The following OR2G2 variants were observed in gnomAD, a reference collection of about 807,000 sequenced individuals.
The protein encoded by OR2G2 is olfactory receptor family 2 subfamily G member 2, also known as olfactory receptor 2G2.
For missense variants in OR2G2, 460 were observed against 389.7 expected (o/e 1.18, Z -1.52); for synonymous variants, 176 against 152.4 (o/e 1.16, Z -1.14).
At position 247,588,400 on chromosome 1, in the gene OR2G2, G is replaced by GT; in HGVS notation, c.44dup (p.Ile16HisfsTer7). 2 of 1,613,366 alleles carry GT rather than the reference G, an allele frequency of 1.2e-6. No homozygotes were observed. Among genetic ancestry groups the GT allele is most frequent in the South Asian group, 2.2e-5 (2 of 90,990 alleles). On this transcript the variant is annotated frameshift_variant, in exon 1 of 1. Transcript: ENST00000320065. LOFTEE classifies it low-confidence loss of function (END_TRUNC). ...CATACCAATGAGAGCAACCTAGCAG[G>GT]TTTCATCCTTTTAGGGTTTTCTGAT...
chr1:247,588,407 C>A lies in OR2G2; in HGVS notation c.48C>A (p.Ile16=), dbSNP rs1669069735. The A allele has an allele frequency of 1.2e-6, 2 of 1,613,422 alleles. No individual in the cohort carries two copies. Among genetic ancestry groups the A allele is most frequent in the South Asian group, 1.1e-5 (1 of 90,982 alleles). Reference sequence around the variant, plus strand: ...ATGAGAGCAACCTAGCAGGTTTCATCCTTTTAGGGTTTTCTGATTATCCTC... The same window carrying A: ...ATGAGAGCAACCTAGCAGGTTTCATACTTTTAGGGTTTTCTGATTATCCTC... ...HTNESNLAGF[I]LLGFSDYPQL... Residue 16 remains isoleucine, a synonymous_variant, in exon 1 of 1, where the codon ATC becomes ATA. Coordinates refer to ENST00000320065, the MANE Select transcript of OR2G2 (RefSeq NM_001001915.1).
Position 247,588,475 on chromosome 1 carries a change from TACTA to T in OR2G2, c.121_124del (p.Thr41PhefsTer45), listed in dbSNP as rs1419960578. The T allele has an allele frequency of 7.4e-6, 12 of 1,613,832 alleles. No individual in the cohort carries two copies. In the African/African-American group the frequency reaches 9.3e-5, roughly 13 times the overall value. On this transcript the variant is annotated frameshift_variant, in exon 1 of 1. Transcript: ENST00000320065. LOFTEE classifies it low-confidence loss of function (END_TRUNC). ...TTTGTGCTCATATTGATTCTGTATT[TACTA>T]ACTATTTTGGGGAATACCACCATCA...
Position 247,588,645 on chromosome 1 carries a change from GC to G in OR2G2, c.288del (p.Tyr97MetfsTer24). The part of the protein sequence containing the change: ...VNLWEPMKTI[A>X]YGGCLVHLYN... ...CCTGTGGGAACCCATGAAAACTATCGCCTATGGTGGCTGTTTGGTTCACCTT... is the reference window on the plus strand; with the variant it reads ...CCTGTGGGAACCCATGAAAACTATCGCTATGGTGGCTGTTTGGTTCACCTT... On this transcript the variant is annotated frameshift_variant, in exon 1 of 1. Transcript: ENST00000320065. LOFTEE classifies it low-confidence loss of function (END_TRUNC). The G allele has an allele frequency of 6.2e-7, 1 of 1,614,034 alleles. No individual in the cohort carries two copies. The highest frequency in any genetic ancestry group is 1.3e-5 in the African/African-American group (1 of 75,012).
In OR2G2 at chr1:247,588,778, A is replaced by G. The variant is rs1669079301; in HGVS notation, c.419A>G (p.His140Arg). 1 of 1,614,024 alleles carries G rather than the reference A, an allele frequency of 6.2e-7. No homozygotes were observed. Among genetic ancestry groups the G allele is most frequent in the African/African-American group, 1.3e-5 (1 of 74,908 alleles). ...CCTCTCCATTACACTGTCTTAATGC[A>G]TATCCATCTCTGCATGGCCTTGGCA... ...CRPLHYTVLM[H>R]IHLCMALASM... Residue 140 changes from histidine to arginine, a missense_variant, in exon 1 of 1, where the codon CAT becomes CGT. Coordinates refer to ENST00000320065, the MANE Select transcript of OR2G2 (RefSeq NM_001001915.1).
rs200433328 is a variant in OR2G2, at chr1:247,588,580, G to A, written c.221G>A (p.Arg74His). The A allele has an allele frequency of 2.2e-5, 35 of 1,614,010 alleles. No homozygotes were observed. In the African/African-American group the frequency reaches 2.4e-4, roughly 11 times the overall value. ...CTTTCTCATCTCTCCTTCCTGTACCGCTGCTTCACCAGCAGTGTTATTCCC... is the reference window on the plus strand; with the variant it reads ...CTTTCTCATCTCTCCTTCCTGTACCACTGCTTCACCAGCAGTGTTATTCCC... ...FFLSHLSFLY[R>H]CFTSSVIPQL... is the part of the protein sequence containing the mutation. Residue 74 changes from arginine to histidine, a missense_variant, in exon 1 of 1, where the codon CGC (arginine) becomes CAC (histidine). Coordinates refer to ENST00000320065, the MANE Select transcript of OR2G2 (RefSeq NM_001001915.1).
Position 247,589,309 on chromosome 1 carries a change from T to A in OR2G2, c.950T>A (p.Leu317Ter). Residue 317 changes from leucine to a stop codon, truncating the protein, a stop_gained, in exon 1 of 1, where the codon TTA becomes TAA. Transcript: ENST00000320065. LOFTEE classifies it high-confidence loss of function. The part of the protein sequence containing the change: ...VLAKALGVNI[L>*] ...GCAAAGGCTCTGGGAGTAAATATTTTATGATTATTAAAAAAAAATTTAAGT... is the reference window on the plus strand; with the variant it reads ...GCAAAGGCTCTGGGAGTAAATATTTAATGATTATTAAAAAAAAATTTAAGT... 6.6e-7 allele frequency: 1 copy of A among 1,504,060 alleles called. No homozygotes were observed. The highest frequency in any genetic ancestry group is 1.4e-5 in the African/African-American group (1 of 70,990). The allele number at this position is 1,504,060 out of a possible 1,614,324, so 93.2% of individuals were successfully genotyped here. A position where few individuals can be genotyped will look rare whatever the true frequency, so the allele number is the denominator to read the frequency against.
chr1:247,588,815 G>A lies in OR2G2; in HGVS notation c.456G>A (p.Trp152Ter). The change falls in exon 1 of 1, where the codon TGG (tryptophan) becomes TGA (stop). Residue 152 changes from tryptophan (W) to a stop codon, truncating the protein, a stop_gained. Transcript: ENST00000320065. LOFTEE classifies it low-confidence loss of function (END_TRUNC). ...HLCMALASMA[W>*]LSGIATTLVQ... ...GCATGGCCTTGGCATCTATGGCATG[G>A]CTCAGTGGAATAGCCACCACCCTGG... 1 of 1,614,150 alleles carries A rather than the reference G, an allele frequency of 6.2e-7. No individual in the cohort carries two copies.
Position 247,588,891 on chromosome 1 carries a change from G to T in OR2G2, c.532G>T (p.Asp178Tyr). 1 of 1,614,188 alleles carries T rather than the reference G, an allele frequency of 6.2e-7. No individual in the cohort carries two copies. Among genetic ancestry groups the T allele is most frequent in the Non-Finnish European group, 8.5e-7 (1 of 1,180,008 alleles). The part of the protein sequence containing the change: ...QLPFCGHRQV[D>Y]HFICEVPVLI... ...GCCCTTCTGTGGGCATCGCCAAGTGGATCATTTCATCTGCGAGGTCCCTGT... is the reference window on the plus strand; with the variant it reads ...GCCCTTCTGTGGGCATCGCCAAGTGTATCATTTCATCTGCGAGGTCCCTGT... The change falls in exon 1 of 1, where the codon GAT becomes TAT. Residue 178 changes from aspartate (D) to tyrosine (Y), a missense_variant. Asp to Tyr is a radical substitution (Grantham distance 160). Coordinates refer to ENST00000320065, the MANE Select transcript of OR2G2 (RefSeq NM_001001915.1).
Position 247,588,867 on chromosome 1 carries a change from C to T in OR2G2, c.508C>T (p.Pro170Ser), listed in dbSNP as rs139860491. ...ACAGTCCACCCTCACCCTGCAGCTG[C>T]CCTTCTGTGGGCATCGCCAAGTGGA... ...LVQSTLTLQL[P>S]FCGHRQVDHF... is the part of the protein sequence containing the mutation. The change falls in exon 1 of 1, where the codon CCC becomes TCC. Residue 170 changes from proline to serine, a missense_variant. Transcript: ENST00000320065. The T allele has an allele frequency of 1.4e-5, 23 of 1,614,104 alleles. No homozygotes were observed. The African/African-American group carries it at 2.7e-4, about 19-fold the overall frequency.
rs920130403 is a variant in OR2G2 at position 247,588,380 on chromosome 1, C to T, written c.21C>T (p.Thr7=). 2 of 1,607,592 alleles carry T rather than the reference C, an allele frequency of 1.2e-6. No individual in the cohort carries two copies. Among genetic ancestry groups the T allele is most frequent in the Non-Finnish European group, 1.7e-6 (2 of 1,176,796 alleles). Residue 7 remains threonine (T), a synonymous_variant, in exon 1 of 1, where the codon ACC becomes ACT. Transcript: ENST00000320065. MGMVRH[T]NESNLAGFIL... Reference sequence around the variant, plus strand: ...TACATATGGGGATGGTGAGACATACCAATGAGAGCAACCTAGCAGGTTTCA... The same window carrying T: ...TACATATGGGGATGGTGAGACATACTAATGAGAGCAACCTAGCAGGTTTCA...
chr1:247,588,736 A>G lies in OR2G2; in HGVS notation c.377A>G (p.Tyr126Cys), dbSNP rs1187966291. Residue 126 changes from tyrosine (Y) to cysteine (C), a missense_variant, in exon 1 of 1, where the codon TAT (tyrosine) becomes TGT (cysteine). Tyr to Cys is a radical substitution (Grantham distance 194). Coordinates refer to ENST00000320065, the MANE Select transcript of OR2G2 (RefSeq NM_001001915.1). ...CCGGCTGTGATGTCCTGTGACCGCT[A>G]TGTGGCTGTCTGCCGTCCTCTCCAT... ...VLPAVMSCDR[Y>C]VAVCRPLHYT... 1.2e-6 allele frequency: 2 copies of G among 1,613,944 alleles called. No individual in the cohort carries two copies. Among genetic ancestry groups the G allele is most frequent in the African/African-American group, 1.3e-5 (1 of 74,890 alleles).
Position 247,588,679 on chromosome 1 carries a change from C to T in OR2G2, c.320C>T (p.Ser107Phe). The change falls in exon 1 of 1, where the codon TCC becomes TTC. Residue 107 changes from serine to phenylalanine, a missense_variant. Transcript: ENST00000320065. ...YGGCLVHLYN[S>F]HALGSTECVL... is the part of the protein sequence containing the mutation. ...GGCTGTTTGGTTCACCTTTACAACT[C>T]CCATGCCCTGGGATCCACTGAGTGC... is the stretch of plus-strand genomic sequence containing the variant. 6.2e-7 allele frequency: 1 copy of T among 1,614,202 alleles called. No individual in the cohort carries two copies. Among genetic ancestry groups the T allele is most frequent in the Non-Finnish European group, 8.5e-7 (1 of 1,180,030 alleles).
chr1:247,588,999 G>A lies in OR2G2; in HGVS notation c.640G>A (p.Val214Ile). 6.2e-7 allele frequency: 1 copy of A among 1,614,214 alleles called. No individual in the cohort carries two copies. The highest frequency in any genetic ancestry group is 8.5e-7 in the Non-Finnish European group (1 of 1,180,040). Residue 214 changes from valine (V) to isoleucine (I), a missense_variant, in exon 1 of 1, where the codon GTC (valine) becomes ATC (isoleucine). By Grantham distance (29) the Val-to-Ile change is conservative (BLOSUM62 3). Transcript: ENST00000320065. Reference protein sequence around the residue: ...VASILFLIVPVSFILVSSGYI... With the variant: ...VASILFLIVPISFILVSSGYI... ...TAGTATCCTTTTCCTTATAGTGCCT[G>A]TCTCATTCATCCTGGTCTCCTCTGG...
Position 247,588,644 on chromosome 1 carries a change from C to T in OR2G2, c.285C>T (p.Ile95=). The T allele has an allele frequency of 6.2e-7, 1 of 1,614,202 alleles. No homozygotes were observed. Among genetic ancestry groups the T allele is most frequent in the Non-Finnish European group, 8.5e-7 (1 of 1,180,034 alleles). Residue 95 remains isoleucine, a synonymous_variant, in exon 1 of 1, where the codon ATC becomes ATT. Transcript: ENST00000320065. ...LVNLWEPMKT[I]AYGGCLVHLY... is the part of the protein sequence containing the mutation. ...ACCTGTGGGAACCCATGAAAACTAT[C>T]GCCTATGGTGGCTGTTTGGTTCACC...
Position 247,588,772 on chromosome 1 carries a change from T to C in OR2G2, c.413T>C (p.Leu138Ser). The change falls in exon 1 of 1, where the codon TTA becomes TCA. Residue 138 changes from leucine to serine, a missense_variant. Transcript: ENST00000320065. ...AVCRPLHYTV[L>S]MHIHLCMALA... Reference sequence around the variant, plus strand: ...TGCCGTCCTCTCCATTACACTGTCTTAATGCATATCCATCTCTGCATGGCC... The same window carrying C: ...TGCCGTCCTCTCCATTACACTGTCTCAATGCATATCCATCTCTGCATGGCC... The C allele has an allele frequency of 1.2e-6, 2 of 1,614,162 alleles. No homozygotes were observed. Among genetic ancestry groups the C allele is most frequent in the Non-Finnish European group, 1.7e-6 (2 of 1,180,030 alleles).
In OR2G2 at chr1:247,588,559, C is replaced by T. The variant is rs201323751; in HGVS notation, c.200C>T (p.Ser67Phe). The change falls in exon 1 of 1, where the codon TCT becomes TTT. Residue 67 changes from serine to phenylalanine, a missense_variant. By Grantham distance (155) the Ser-to-Phe change is radical. Coordinates refer to ENST00000320065, the MANE Select transcript of OR2G2 (RefSeq NM_001001915.1). The stretch of plus-strand genomic sequence containing the variant: ...CATATGCCGATGTATTTCTTCCTTT[C>T]TCATCTCTCCTTCCTGTACCGCTGC... ...KLHMPMYFFL[S>F]HLSFLYRCFT... 7 of 1,614,158 alleles carry T rather than the reference C, an allele frequency of 4.3e-6. No homozygotes were observed. The African/African-American group carries it at 5.3e-5, about 12-fold the overall frequency.
In OR2G2 at chr1:247,588,551, C is replaced by A. The variant is rs751997362; in HGVS notation, c.192C>A (p.Phe64Leu). 33 of 1,614,066 alleles carry A rather than the reference C, an allele frequency of 2.0e-5. No individual in the cohort carries two copies. Among genetic ancestry groups the A allele is most frequent in the South Asian group, 1.2e-4 (11 of 91,072 alleles). ...CCAAGCTTCATATGCCGATGTATTT[C>A]TTCCTTTCTCATCTCTCCTTCCTGT... ...LEPKLHMPMY[F>L]FLSHLSFLYR... Residue 64 changes from phenylalanine to leucine, a missense_variant, in exon 1 of 1, where the codon TTC becomes TTA. Phe to Leu is a conservative substitution (Grantham distance 22, BLOSUM62 0). Coordinates refer to ENST00000320065, the MANE Select transcript of OR2G2 (RefSeq NM_001001915.1).
Position 247,588,631 on chromosome 1 carries a change from C to A in OR2G2, c.272C>A (p.Pro91His), listed in dbSNP as rs752844221. The change falls in exon 1 of 1, where the codon CCC becomes CAC. Residue 91 changes from proline (P) to histidine (H), a missense_variant. Pro to His is a moderately conservative substitution (Grantham distance 77). Transcript: ENST00000320065. The stretch of plus-strand genomic sequence containing the variant: ...CAGCTCCTGGTAAACCTGTGGGAAC[C>A]CATGAAAACTATCGCCTATGGTGGC... Reference protein sequence around the residue: ...IPQLLVNLWEPMKTIAYGGCL... With the variant: ...IPQLLVNLWEHMKTIAYGGCL... 1 of 1,614,194 alleles carries A rather than the reference C, an allele frequency of 6.2e-7. No homozygotes were observed. Among genetic ancestry groups the A allele is most frequent in the Admixed American group, 1.7e-5 (1 of 60,024 alleles).
At position 247,588,789 on chromosome 1, in the gene OR2G2, T is replaced by G; in HGVS notation, c.430T>G (p.Cys144Gly). The G allele has an allele frequency of 1.9e-6, 3 of 1,614,194 alleles. No individual in the cohort carries two copies. Among genetic ancestry groups the G allele is most frequent in the Non-Finnish European group, 2.5e-6 (3 of 1,180,038 alleles). Residue 144 changes from cysteine (C) to glycine (G), a missense_variant, in exon 1 of 1, where the codon TGC (cysteine) becomes GGC (glycine). Coordinates refer to ENST00000320065, the MANE Select transcript of OR2G2 (RefSeq NM_001001915.1). The part of the protein sequence containing the change: ...HYTVLMHIHL[C>G]MALASMAWLS... ...CACTGTCTTAATGCATATCCATCTCTGCATGGCCTTGGCATCTATGGCATG... is the reference window on the plus strand; with the variant it reads ...CACTGTCTTAATGCATATCCATCTCGGCATGGCCTTGGCATCTATGGCATG...
Sources: allele counts gnomAD v4.1 joint callset, GRCh38; gene constraint gnomAD v4.1.1; transcripts MANE v1.5; gene names NCBI Gene and HGNC (gene_info 2026-07-23, HGNC 2026-07-21).